Variants in EDA observed in about 807,000 individuals in gnomAD.
EDA encodes the protein ectodysplasin-A.
Under a neutral mutation model 23.6 loss-of-function variants are expected in EDA, and 2 were observed. That is an observed-to-expected ratio of 0.08 (90% CI 0.03 to 0.27). EDA has a LOEUF of 0.27. EDA is among the 10% of genes least tolerant of loss of function. The probability of loss-of-function intolerance (pLI) is 1.00; values close to 1 mark genes in which losing one functional copy is unlikely to be tolerated. For missense variants in EDA, 229 were observed against 324.2 expected (o/e 0.71, Z 2.26); for synonymous variants, 131 against 132.0 (o/e 0.99, Z 0.05).
chrX:69,706,797 A>T (rs2011743135), intron 1 of EDA, among the ~76,000 whole-genome samples: 1 of 111,348 alleles, frequency 9.0e-6, no homozygotes, highest in Admixed American at 9.6e-5. Flanking sequence ...GGCTTCAGAG[A>T]GAATAGATTA....
chrX:69,710,101 GTCT>G (rs1448315621), intron 1 of EDA, among the ~76,000 whole-genome samples: 2 of 111,424 alleles, frequency 1.8e-5, no homozygotes, highest in Admixed American at 1.9e-4. Flanking sequence ...TATTGCCTAG[GTCT>G]TCTTCTAGGG....
chrX:69,987,337 A>G (rs933736821), intron 2 of EDA, among the ~76,000 whole-genome samples: 2 of 109,263 alleles, frequency 1.8e-5, no homozygotes, highest in Non-Finnish European at 3.8e-5. Context: ...AAAAAAAAAT[A>G]AAACAGAGTG....
chrX:69,664,336 C>T (rs983299406), intron 1 of EDA, among the ~76,000 whole-genome samples: 2 of 111,332 alleles, frequency 1.8e-5, no homozygotes, highest in African/African-American at 6.5e-5. Context: ...AGTGAGTTTT[C>T]GTGAGATCTG....
chrX:69,996,264 A>C (rs2019654829), intron 2 of EDA, among the ~76,000 whole-genome samples: 2 of 112,195 alleles, frequency 1.8e-5, no homozygotes, highest in South Asian at 7.5e-4. Context: ...GATGAATGGC[A>C]TCCTGTACTC....
chrX:69,636,744 C>A (rs1034303659), intron 1 of EDA, among the ~76,000 whole-genome samples: 2 of 109,309 alleles, frequency 1.8e-5, no homozygotes, highest in Non-Finnish European at 3.8e-5. Flanking sequence ...CTTCTTGCTA[C>A]TGTAACTTTT....
chrX:69,784,768 A>G (rs375703843), intron 1 of EDA, among the ~76,000 whole-genome samples: 170 of 104,745 alleles, frequency 1.6e-3, no homozygotes, highest in East Asian at 3.1e-3. Context: ...TTGACTTGGC[A>G]ATGCGGGCTC....
intron 1 of EDA, among the ~76,000 whole-genome samples, chrX:69,713,306 T>G (rs1057045559): frequency 1.8e-5 from 2 of 112,154 alleles, no homozygotes; most frequent in African/African-American, 6.5e-5. Context: ...GGTAACAGTT[T>G]ACAGAACTAT....
At chrX:70,028,309 G>C (rs1290442653) in intron 4 of EDA, among the ~76,000 whole-genome samples, 1 of 111,314 alleles carries the variant, frequency 9.0e-6, no homozygotes, top group Admixed American at 9.5e-5. Flanking sequence ...CTGACTCTTG[G>C]CCTCCCTGTA....
At chrX:69,759,145 T>C (rs2014219964) in intron 1 of EDA, among the ~76,000 whole-genome samples, 1 of 112,563 alleles carries the variant, frequency 8.9e-6, no homozygotes, top group Non-Finnish European at 1.9e-5. Flanking sequence ...ACTTTCTTTT[T>C]TAAACCAGCA....
chrX:69,937,408 G>T (rs1223196301), intron 1 of EDA: 3 of 721,990 alleles, frequency 4.2e-6, no homozygotes, highest in African/African-American at 2.1e-5. Context: ...TCTTTGAGAT[G>T]TTTGCAGCTC....
chrX:69,829,377 A>T (rs768391207), intron 1 of EDA, among the ~76,000 whole-genome samples: 1,408 of 112,296 alleles, frequency 0.013, 18 homozygotes, highest in Non-Finnish European at 0.018. Context: ...TCCAAGGTTG[A>T]TAATCTTTCC....
At chrX:70,012,819 C>T (rs1016618236) in intron 2 of EDA, among the ~76,000 whole-genome samples, 1 of 111,158 alleles carries the variant, frequency 9.0e-6, no homozygotes, top group African/African-American at 3.3e-5. Flanking sequence ...CAAGGCCTCC[C>T]GACCTGAGAC....
chrX:69,854,536 A>G (rs1207632291), intron 1 of EDA, among the ~76,000 whole-genome samples: 3 of 111,392 alleles, frequency 2.7e-5, no homozygotes, highest in Non-Finnish European at 3.8e-5. Flanking sequence ...TTAGCTCCCA[A>G]TTATAGATAA....
intron 1 of EDA, among the ~76,000 whole-genome samples, chrX:69,691,743 A>G (rs1934715450): frequency 9.0e-6 from 1 of 111,677 alleles, no homozygotes; most frequent in African/African-American, 3.3e-5. Context: ...TTCTGAGACA[A>G]TTCTGACCTT....
chrX:69,795,228 G>A (rs1363285763), intron 1 of EDA, among the ~76,000 whole-genome samples: 1 of 110,805 alleles, frequency 9.0e-6, no homozygotes, highest in Non-Finnish European at 1.9e-5. Context: ...GTCTCGCTAT[G>A]TTGCCCAGGC....
intron 4 of EDA, 135 bp downstream of exon 4, chrX:70,028,171 C>T: frequency 9.4e-7 from 1 of 1,059,804 alleles, no homozygotes; most frequent in South Asian, 2.3e-5. Context: ...ATCTCCTAGC[C>T]CAGTGTAAAA....
At chrX:69,991,537 GA>G (rs1424806324) in intron 2 of EDA, among the ~76,000 whole-genome samples, 4 of 111,231 alleles carry the variant, frequency 3.6e-5, no homozygotes, top group African/African-American at 1.3e-4. Context: ...GCGGGACAGA[GA>G]AGGTTTTCTC....
chrX:69,979,747 TTTATTA>T (rs746029354), intron 2 of EDA, among the ~76,000 whole-genome samples: 159 of 111,747 alleles, frequency 1.4e-3, no homozygotes, highest in Non-Finnish European at 2.6e-3. Context: ...TATTTGTCTT[TTTATTA>T]TTAAGTTATT....
chrX:69,653,579 T>A, intron 1 of EDA, among the ~76,000 whole-genome samples: 1 of 111,251 alleles, frequency 9.0e-6, no homozygotes, highest in Non-Finnish European at 1.9e-5. Context: ...TGCTTCCAGT[T>A]TTTGCCCATT....
Sources: gnomAD v4.1 joint callset for allele counts (sites outside exome capture counted in the v4.1 genomes callset) on GRCh38, gnomAD v4.1.1 for gene constraint, MANE v1.5 for transcripts, NCBI Gene and HGNC (gene_info 2026-07-23, HGNC 2026-07-21) for gene names.